OSBPL1A: variants seen among roughly 807,000 people sequenced by gnomAD.
The protein encoded by OSBPL1A is oxysterol-binding protein-related protein 1.
In OSBPL1A, 80 loss-of-function variants were observed where a neutral mutation model predicts 137.1. The ratio of observed to expected loss-of-function variants is 0.58; its 90% CI spans 0.49 to 0.70. The LOEUF is 0.70. OSBPL1A is among the 30% of genes least tolerant of loss of function. The pLI, the probability that OSBPL1A is intolerant of heterozygous loss-of-function variation, is 0.00. For missense variants in OSBPL1A, 970 were observed against 1,129.4 expected (o/e 0.86, Z 2.02); for synonymous variants, 365 against 389.7 (o/e 0.94, Z 0.75).
intron 7 of OSBPL1A, chr18:24,321,789 C>A: frequency 2.2e-6 from 1 of 456,072 alleles, no homozygotes; most frequent in South Asian, 1.6e-5. Flanking sequence ...GGCATGATAT[C>A]TGGAATTGTT....
At chr18:24,295,562 C>A (rs1168473710) in intron 14 of OSBPL1A, among the ~76,000 whole-genome samples, 1 of 152,070 alleles carries the variant, frequency 6.6e-6, no homozygotes, top group East Asian at 1.9e-4. Flanking sequence ...GTCTTTGATC[C>A]ATCTTGAGTT....
intron 4 of OSBPL1A, among the ~76,000 whole-genome samples, chr18:24,348,347 A>G (rs2091382233): frequency 6.6e-6 from 1 of 152,242 alleles, no homozygotes; most frequent in South Asian, 2.1e-4. Flanking sequence ...ACACTGTTCT[A>G]AAGTTTTACT....
At chr18:24,303,930 G>T (rs1019300627) in intron 13 of OSBPL1A, among the ~76,000 whole-genome samples, 1 of 151,946 alleles carries the variant, frequency 6.6e-6, no homozygotes, top group Non-Finnish European at 1.5e-5. Context: ...ATATTTTAAA[G>T]GTTTAAATAC....
Position 24,319,326 on chromosome 18 carries a change from G to A in OSBPL1A, c.626-517C>T, listed in dbSNP as rs765058674. 1.6e-4 allele frequency among the ~76,000 whole-genome samples: 25 copies of A among 152,180 alleles called. No individual in the cohort carries two copies. The Middle Eastern group carries it at 0.02, about 124-fold the overall frequency. On this transcript the variant is annotated intron_variant, in intron 7 of 27. Coordinates refer to ENST00000319481, the MANE Select transcript of OSBPL1A (RefSeq NM_080597.4). ...AGCCCTCCCTCCTATCAGGAGCCTT[G>A]TAACTACATAGATCTACCTGGATAA... is the stretch of plus-strand genomic sequence containing the variant.
intron 12 of OSBPL1A, 64 bp from the exon 13 acceptor site, chr18:24,312,170 C>T: frequency 1.3e-6 from 2 of 1,583,860 alleles, no homozygotes; most frequent in Middle Eastern, 1.7e-4. Flanking sequence ...GATAATATTA[C>T]AATGATCTGA....
At chr18:24,289,609 CAG>C (rs1018026879) in intron 14 of OSBPL1A, among the ~76,000 whole-genome samples, 1 of 151,858 alleles carries the variant, frequency 6.6e-6, no homozygotes, top group African/African-American at 2.4e-5. Context: ...TTAGTAGAGA[CAG>C]GGTTTCGCCA....
At chr18:24,250,422 C>T (rs556549280) in intron 15 of OSBPL1A, among the ~76,000 whole-genome samples, 33 of 152,276 alleles carry the variant, frequency 2.2e-4, no homozygotes, top group Non-Finnish European at 3.8e-4. Flanking sequence ...GTGATCCACC[C>T]GCCTCAGCCT....
chr18:24,259,115 T>A (rs113044738), intron 15 of OSBPL1A, among the ~76,000 whole-genome samples: 2,636 of 151,968 alleles, frequency 0.017, 77 homozygotes, highest in African/African-American at 0.061. Context: ...GAGACGGGGT[T>A]TCACCATGGT....
At position 24,350,287 on chromosome 18, in the gene OSBPL1A, T is replaced by C. The variant is rs553509521; in HGVS notation, c.283-8629A>G. ...CTTCCTGGGATTGGGATGCTCCCAATTGGGATGATATGGTCAAAGCCACAC... is the reference window on the plus strand; with the variant it reads ...CTTCCTGGGATTGGGATGCTCCCAACTGGGATGATATGGTCAAAGCCACAC... On this transcript the variant is annotated intron_variant, in intron 4 of 27. Coordinates refer to ENST00000319481, the MANE Select transcript of OSBPL1A (RefSeq NM_080597.4). 1.4e-4 allele frequency among the ~76,000 whole-genome samples: 21 copies of C among 152,332 alleles called. No individual in the cohort carries two copies. The South Asian group carries it at 4.4e-3, about 32-fold the overall frequency.
chr18:24,203,308 T>C (rs1487744249), intron 17 of OSBPL1A, among the ~76,000 whole-genome samples: 1 of 152,082 alleles, frequency 6.6e-6, no homozygotes, highest in Non-Finnish European at 1.5e-5. Flanking sequence ...AAGGAAATGA[T>C]CTACAGATAA....
chr18:24,293,121 A>G (rs1175057985), intron 14 of OSBPL1A, among the ~76,000 whole-genome samples: 20 of 68,754 alleles, frequency 2.9e-4, no homozygotes, highest in African/African-American at 7.8e-4. Context: ...AAAAAAAAAA[A>G]AAAAAAAGAA....
chr18:24,180,502 T>C (rs1162408473), intron 19 of OSBPL1A, among the ~76,000 whole-genome samples: 3 of 151,574 alleles, frequency 2.0e-5, no homozygotes, highest in African/African-American at 7.3e-5. Flanking sequence ...AACTTCTTCT[T>C]GGAAACACCC....
intron 14 of OSBPL1A, among the ~76,000 whole-genome samples, chr18:24,293,476 C>T (rs1200441899): frequency 2.6e-5 from 4 of 152,192 alleles, no homozygotes; most frequent in African/African-American, 9.7e-5. Context: ...GCCAAGAAGC[C>T]CCAGGGCTGA....
At chr18:24,263,483 T>C (rs1343780594) in intron 15 of OSBPL1A, among the ~76,000 whole-genome samples, 1 of 152,212 alleles carries the variant, frequency 6.6e-6, no homozygotes, top group East Asian at 1.9e-4. Flanking sequence ...TTAGGATGAC[T>C]CATATTAACA....
intron 4 of OSBPL1A, among the ~76,000 whole-genome samples, chr18:24,343,993 T>G (rs1044592611): frequency 5.9e-5 from 9 of 152,028 alleles, no homozygotes; most frequent in Middle Eastern, 6.8e-3. Context: ...AAGGGCCCTA[T>G]CAAGAGAGAA....
At chr18:24,169,415 C>T (rs2086219721) in intron 24 of OSBPL1A, among the ~76,000 whole-genome samples, 1 of 152,194 alleles carries the variant, frequency 6.6e-6, no homozygotes, top group Non-Finnish European at 1.5e-5. Context: ...AATGAGCTCG[C>T]AGATGATGCT....
intron 14 of OSBPL1A, among the ~76,000 whole-genome samples, chr18:24,299,916 G>A (rs2090365820): frequency 6.6e-6 from 1 of 152,060 alleles, no homozygotes; most frequent in Non-Finnish European, 1.5e-5. Flanking sequence ...TAAGAATCCT[G>A]AGTTACTGTG....
Position 24,358,924 on chromosome 18 carries a change from G to C in OSBPL1A, c.282+7968C>G, listed in dbSNP as rs538826264. 9.2e-5 allele frequency among the ~76,000 whole-genome samples: 14 copies of C among 152,078 alleles called. No homozygotes were observed. The East Asian group carries it at 2.7e-3, about 30-fold the overall frequency. ...TACATCCAGCTTTGAGTTTTTTAGA[G>C]ATGGGGTCTTGGCTGGGCACGGTGG... On this transcript the variant is annotated intron_variant, in intron 4 of 27. Coordinates refer to ENST00000319481, the MANE Select transcript of OSBPL1A (RefSeq NM_080597.4).
In OSBPL1A at chr18:24,178,056, C is replaced by G. The variant is rs778653255; in HGVS notation, c.2050G>C (p.Val684Leu). Reference sequence around the variant, plus strand: ...ATGGTTCCTTTGGGTTCTGCTTCTACACTCTTCCCCCAGAATTTCAGTTTG... The same window carrying G: ...ATGGTTCCTTTGGGTTCTGCTTCTAGACTCTTCCCCCAGAATTTCAGTTTG... ...YPKLKFWGKS[V>L]EAEPKGTITL... The change falls in exon 21 of 28, where the codon GTA (valine) becomes CTA (leucine). Residue 684 changes from valine (V) to leucine (L), a missense_variant. Coordinates refer to ENST00000319481, the MANE Select transcript of OSBPL1A (RefSeq NM_080597.4). The G allele has an allele frequency of 3.7e-6, 6 of 1,614,036 alleles. No homozygotes were observed. The Admixed American group carries it at 1.0e-4, about 27-fold the overall frequency.
Sources: gnomAD v4.1 joint callset for allele counts (sites outside exome capture counted in the v4.1 genomes callset) on GRCh38, gnomAD v4.1.1 for gene constraint, MANE v1.5 for transcripts, NCBI Gene and HGNC (gene_info 2026-07-23, HGNC 2026-07-21) for gene names.